Variants in STAC observed in about 807,000 individuals in gnomAD.
STAC encodes SH3 and cysteine rich domain, also known as SH3 and cysteine-rich domain-containing protein.
In STAC, 43 loss-of-function variants were observed where a neutral mutation model predicts 48.8. That is an observed-to-expected ratio of 0.88 (90% confidence interval 0.69 to 1.14). STAC has a LOEUF of 1.14. Among genes scored for constraint, STAC ranks in the 50% most tolerant of loss-of-function variants. STAC has a pLI of 0.00. For synonymous variants in STAC, 193 were observed against 179.5 expected, an observed-to-expected ratio of 1.07 and a Z score of -0.60; for missense variants, 497 against 504.0, an observed-to-expected ratio of 0.99 and a Z score of 0.13.
At chr3:36,411,041 A>G (rs1489889993) in intron 1 of STAC, among the ~76,000 whole-genome samples, 3 of 152,208 alleles carry the variant, frequency 2.0e-5, no homozygotes, top group Non-Finnish European at 4.4e-5. Flanking sequence ...CACACTGTCT[A>G]TCATCTAAGT....
intron 8 of STAC, among the ~76,000 whole-genome samples, chr3:36,512,530 CA>C (rs1270989326): frequency 6.6e-6 from 1 of 151,436 alleles, no homozygotes; most frequent in Admixed American, 6.6e-5. Context: ...GAAGTCATAA[CA>C]TTTTTTTAAA....
At chr3:36,456,831 C>T (rs1356237329) in intron 2 of STAC, among the ~76,000 whole-genome samples, 1 of 152,168 alleles carries the variant, frequency 6.6e-6, no homozygotes, top group African/African-American at 2.4e-5. Context: ...ACCCACTTAT[C>T]TTCCCCACAG....
intron 5 of STAC, among the ~76,000 whole-genome samples, chr3:36,492,020 AAAAAAAAAAAAATATATATATATATAT>A (rs1417156469): frequency 2.5e-5 from 1 of 39,306 alleles, no homozygotes; most frequent in African/African-American, 7.4e-5. Flanking sequence ...AAAAAAAAAA[AAAAAAAAAAAAATATATATATATATAT>A]ATATATATAT....
In STAC at chr3:36,478,892, G is replaced by C. The variant is rs115749336; in HGVS notation, c.389-4100G>C. On this transcript the variant is annotated intron_variant, in intron 2 of 10. Transcript: ENST00000273183. Reference sequence around the variant, plus strand: ...CCTCCACCCATCTTGGCCTCCCAAAGTCCTGGGATTATACACATGAACCAC... The same window carrying C: ...CCTCCACCCATCTTGGCCTCCCAAACTCCTGGGATTATACACATGAACCAC... Among the ~76,000 whole-genome samples the C allele has an allele frequency of 7.3e-3, 1,118 of 152,290 alleles. 7 individuals carry two copies. The highest frequency in any genetic ancestry group is 0.012 in the Non-Finnish European group (807 of 68,016).
At chr3:36,478,922 T>C (rs1215475976) in intron 2 of STAC, among the ~76,000 whole-genome samples, 1 of 152,218 alleles carries the variant, frequency 6.6e-6, no homozygotes, top group Non-Finnish European at 1.5e-5. Context: ...AACCACTGTG[T>C]CTGGCTATCA....
rs1697837888 is a variant in STAC at position 36,487,237 on chromosome 3, G to A, written c.687+988G>A. ...GAATGTAGGTCGGGTAGGCAAGTAG[G>A]TGGGTTTATAGGTCCTCTATTGGGT... On this transcript the variant is annotated intron_variant, in intron 5 of 10. Transcript: ENST00000273183. Among the ~76,000 whole-genome samples, 3 of 152,186 alleles carry A rather than the reference G, an allele frequency of 2.0e-5. No individual in the cohort carries two copies. The South Asian group carries it at 6.2e-4, about 31-fold the overall frequency.
intron 1 of STAC, among the ~76,000 whole-genome samples, chr3:36,391,544 C>T (rs1171582885): frequency 6.6e-6 from 1 of 152,168 alleles, no homozygotes; most frequent in Non-Finnish European, 1.5e-5. Context: ...ATTCTTGATT[C>T]AGCTGTCACC....
intron 2 of STAC, among the ~76,000 whole-genome samples, chr3:36,444,236 ATT>A (rs1237830115): frequency 6.6e-6 from 1 of 152,134 alleles, no homozygotes; most frequent in Admixed American, 6.5e-5. Flanking sequence ...CCTATGACTC[ATT>A]TTCTTCTTTT....
chr3:36,401,901 A>G (rs1273966370), intron 1 of STAC, among the ~76,000 whole-genome samples: 1 of 152,164 alleles, frequency 6.6e-6, no homozygotes, highest in African/African-American at 2.4e-5. Flanking sequence ...GGGAAGGGGA[A>G]AGGGGATGGA....
chr3:36,516,947 G>A (rs544340657), intron 8 of STAC, among the ~76,000 whole-genome samples: 26 of 152,258 alleles, frequency 1.7e-4, no homozygotes, highest in Non-Finnish European at 2.9e-4. Context: ...AGGATATAGA[G>A]TAGAGAAAAC....
intron 2 of STAC, among the ~76,000 whole-genome samples, chr3:36,474,775 A>G (rs149473575): frequency 2.1e-4 from 32 of 152,298 alleles, no homozygotes; most frequent in African/African-American, 7.5e-4. Context: ...TATTATCCCT[A>G]CTTCCCTGTT....
intron 10 of STAC, among the ~76,000 whole-genome samples, chr3:36,539,657 C>T (rs950705978): frequency 1.1e-4 from 17 of 152,170 alleles, no homozygotes; most frequent in African/African-American, 3.9e-4. Context: ...TATGCCTTTG[C>T]TATACAGCAT....
intron 2 of STAC, among the ~76,000 whole-genome samples, chr3:36,451,746 T>C (rs1696690239): frequency 6.6e-6 from 1 of 152,238 alleles, no homozygotes; most frequent in Non-Finnish European, 1.5e-5. Flanking sequence ...TCATCATTTC[T>C]TTGTGTTGGG....
intron 8 of STAC, among the ~76,000 whole-genome samples, chr3:36,525,363 G>A (rs138938301): frequency 4.5e-4 from 68 of 152,216 alleles, no homozygotes; most frequent in African/African-American, 1.6e-3. Flanking sequence ...TAAGATTATA[G>A]CCTGTTATCC....
At chr3:36,427,659 G>A (rs1433799559) in intron 1 of STAC, among the ~76,000 whole-genome samples, 1 of 152,084 alleles carries the variant, frequency 6.6e-6, no homozygotes, top group Non-Finnish European at 1.5e-5. Context: ...AATATTTATT[G>A]AGCATCTAAC....
chr3:36,491,184 C>T (rs748089600), intron 5 of STAC, among the ~76,000 whole-genome samples: 2 of 152,138 alleles, frequency 1.3e-5, no homozygotes, highest in Non-Finnish European at 2.9e-5. Flanking sequence ...TTCTTATGTC[C>T]TAAAGTTAAC....
At chr3:36,393,061 A>G (rs1699785668) in intron 1 of STAC, among the ~76,000 whole-genome samples, 1 of 152,118 alleles carries the variant, frequency 6.6e-6, no homozygotes, top group Non-Finnish European at 1.5e-5. Flanking sequence ...CTTCATTCAA[A>G]CAAGCATTAC....
intron 10 of STAC, among the ~76,000 whole-genome samples, chr3:36,533,239 A>C (rs1312027906): frequency 6.6e-6 from 1 of 152,126 alleles, no homozygotes; most frequent in East Asian, 1.9e-4. Context: ...GTCATTCTTG[A>C]TTCCAGGCAC....
At position 36,546,212 on chromosome 3, in the gene STAC, G is replaced by A; in HGVS notation, c.1132G>A (p.Glu378Lys). The A allele has an allele frequency of 6.2e-7, 1 of 1,613,938 alleles. No individual in the cohort carries two copies. The highest frequency in any genetic ancestry group is 8.5e-7 in the Non-Finnish European group (1 of 1,179,916). Residue 378 changes from glutamate to lysine, a missense_variant, in exon 11 of 11, where the codon GAA becomes AAA. Coordinates refer to ENST00000273183, the MANE Select transcript of STAC (RefSeq NM_003149.3). ...ENQICVSSEE[E>K]QDGFIRVLSG... ...TCAGATCTGCGTGAGTTCTGAAGAA[G>A]AACAAGATGGTTTTATCAGAGTCCT... is the stretch of plus-strand genomic sequence containing the variant.
Sources: gnomAD v4.1 joint callset for allele counts (sites outside exome capture counted in the v4.1 genomes callset) on GRCh38, gnomAD v4.1.1 for gene constraint, MANE v1.5 for transcripts, NCBI Gene and HGNC (gene_info 2026-07-23, HGNC 2026-07-21) for gene names.